XPR1: variants seen among roughly 807,000 people sequenced by gnomAD.
The protein encoded by XPR1 is xenotropic and polytropic retrovirus receptor 1.
XPR1 carries 28 observed loss-of-function variants against 87.5 expected under a neutral mutation model. The ratio of observed to expected loss-of-function variants is 0.32; its 90% CI spans 0.24 to 0.44. XPR1 has a LOEUF of 0.44. XPR1 is among the 20% of genes least tolerant of loss of function. XPR1 has a pLI of 1.00. For missense variants in XPR1, 559 were observed against 862.3 expected (o/e 0.65, Z 4.41); for synonymous variants, 300 against 306.1 (o/e 0.98, Z 0.21).
intron 2 of XPR1, among the ~76,000 whole-genome samples, chr1:180,707,584 A>G (rs1049323661): frequency 2.0e-5 from 3 of 152,144 alleles, no homozygotes; most frequent in East Asian, 1.9e-4. Context: ...GGCAGACCCA[A>G]TTCTCCCCTG....
At chr1:180,649,434 AAAAAAC>A (rs978794234) in intron 1 of XPR1, among the ~76,000 whole-genome samples, 26 of 152,302 alleles carry the variant, frequency 1.7e-4, no homozygotes, top group South Asian at 8.3e-4. Context: ...CTGTCTCAAA[AAAAAAC>A]AAAAACAAAA....
chr1:180,690,848 C>T (rs1656965331), intron 2 of XPR1, among the ~76,000 whole-genome samples: 2 of 151,166 alleles, frequency 1.3e-5, no homozygotes, highest in East Asian at 3.9e-4. Flanking sequence ...AATCCTTTTC[C>T]TCAATTCCTT....
chr1:180,876,553 T>G (rs1019031142), intron 13 of XPR1, among the ~76,000 whole-genome samples: 1 of 151,906 alleles, frequency 6.6e-6, no homozygotes, highest in African/African-American at 2.4e-5. Flanking sequence ...GGAGAATTGC[T>G]TGAACCCAGG....
intron 2 of XPR1, among the ~76,000 whole-genome samples, chr1:180,710,812 G>A (rs1309693212): frequency 7.3e-5 from 11 of 151,114 alleles, no homozygotes; most frequent in African/African-American, 2.4e-4. Context: ...CGGATGGGGC[G>A]GCTGGCTGGG....
At chr1:180,652,825 A>T (rs1319023050) in intron 1 of XPR1, among the ~76,000 whole-genome samples, 1 of 152,130 alleles carries the variant, frequency 6.6e-6, no homozygotes, top group Non-Finnish European at 1.5e-5. Context: ...ACAATAATAA[A>T]CATTTATTGT....
chr1:180,675,620 A>G (rs1045997296), intron 1 of XPR1, among the ~76,000 whole-genome samples: 1 of 152,182 alleles, frequency 6.6e-6, no homozygotes, highest in Non-Finnish European at 1.5e-5. Flanking sequence ...AAATCAAAGA[A>G]CTCACGTAAT....
chr1:180,787,143 A>G (rs1046204371), intron 2 of XPR1, among the ~76,000 whole-genome samples: 3 of 152,042 alleles, frequency 2.0e-5, no homozygotes, highest in East Asian at 1.9e-4. Flanking sequence ...TACTTGATCA[A>G]TTCTGTCTAC....
At chr1:180,772,449 C>T (rs1395633216) in intron 2 of XPR1, among the ~76,000 whole-genome samples, 2 of 152,108 alleles carry the variant, frequency 1.3e-5, no homozygotes, top group African/African-American at 2.4e-5. Flanking sequence ...TAGACTCTAC[C>T]AGCAGAGGAG....
At chr1:180,703,588 C>T (rs1337937673) in intron 2 of XPR1, among the ~76,000 whole-genome samples, 1 of 152,150 alleles carries the variant, frequency 6.6e-6, no homozygotes, top group East Asian at 1.9e-4. Context: ...CAGCTACTGG[C>T]AGCAGTGGTG....
At chr1:180,841,791 T>C (rs920032054) in intron 11 of XPR1, among the ~76,000 whole-genome samples, 10 of 151,930 alleles carry the variant, frequency 6.6e-5, no homozygotes, top group African/African-American at 2.2e-4. Context: ...ATCATATTGG[T>C]AAATAAAAAA....
chr1:180,740,638 C>A (rs930667552), intron 2 of XPR1, among the ~76,000 whole-genome samples: 2 of 152,040 alleles, frequency 1.3e-5, no homozygotes, highest in African/African-American at 4.8e-5. Context: ...CTGTCTTAGT[C>A]TGATTTTGGT....
At chr1:180,830,225 T>C (rs1312835568) in intron 9 of XPR1, among the ~76,000 whole-genome samples, 1 of 152,180 alleles carries the variant, frequency 6.6e-6, no homozygotes, top group Non-Finnish European at 1.5e-5. Flanking sequence ...GTCCCCCTCT[T>C]CCTCACAAAA....
chr1:180,792,134 T>C (rs901678602), intron 3 of XPR1, among the ~76,000 whole-genome samples: 2 of 152,200 alleles, frequency 1.3e-5, no homozygotes, highest in South Asian at 2.1e-4. Flanking sequence ...CCCAGAAGAT[T>C]GTAGACTGCA....
intron 1 of XPR1, among the ~76,000 whole-genome samples, chr1:180,663,391 T>TA (rs1655842897): frequency 6.6e-6 from 1 of 152,246 alleles, no homozygotes; most frequent in South Asian, 2.1e-4. Flanking sequence ...TGCAGACTCA[T>TA]AGAGGTGTAC....
At chr1:180,733,658 G>A (rs1190298521) in intron 2 of XPR1, among the ~76,000 whole-genome samples, 2 of 152,198 alleles carry the variant, frequency 1.3e-5, no homozygotes, top group African/African-American at 4.8e-5. Context: ...AACCTATTTT[G>A]AGGTAGAGGT....
At chr1:180,662,816 T>G (rs542829453) in intron 1 of XPR1, among the ~76,000 whole-genome samples, 98 of 152,326 alleles carry the variant, frequency 6.4e-4, no homozygotes, top group African/African-American at 2.3e-3. Flanking sequence ...TTACTTTTTT[T>G]ATTCCTTTTT....
intron 1 of XPR1, 121 bp downstream of exon 1, chr1:180,632,391 C>T (rs1654616432): frequency 1.5e-6 from 2 of 1,310,818 alleles, no homozygotes; most frequent in African/African-American, 2.9e-5. Flanking sequence ...TGACCCGCTG[C>T]CGCGGGGAGC....
intron 2 of XPR1, among the ~76,000 whole-genome samples, chr1:180,767,724 C>T (rs930456093): frequency 6.6e-6 from 1 of 152,038 alleles, no homozygotes; most frequent in African/African-American, 2.4e-5. Context: ...TGATTCTGTA[C>T]AGTACGTACA....
At position 180,632,121 on chromosome 1, in the gene XPR1, T is replaced by C. The variant is rs1331690420; in HGVS notation, c.-81T>C. On this transcript the variant is annotated 5_prime_UTR_variant, in exon 1 of 15. An upstream start codon of the reference 5' UTR is lost. Coordinates refer to ENST00000367590, the MANE Select transcript of XPR1 (RefSeq NM_004736.4). Reference sequence around the variant, plus strand: ...CAGCGCCGCGCCGCGCCGGGGCCCATGTGGGGAGGAGTCGGAGTCGCTGTT... The same window carrying C: ...CAGCGCCGCGCCGCGCCGGGGCCCACGTGGGGAGGAGTCGGAGTCGCTGTT... 2 of 1,448,300 alleles carry C rather than the reference T, an allele frequency of 1.4e-6. No homozygotes were observed. Among genetic ancestry groups the C allele is most frequent in the Non-Finnish European group, 1.9e-6 (2 of 1,052,810 alleles). 89.7% of individuals were successfully genotyped at this position (1,448,300 alleles called of 1,614,324 possible).
Sources: gnomAD v4.1 joint callset for allele counts (sites outside exome capture counted in the v4.1 genomes callset) on GRCh38, gnomAD v4.1.1 for gene constraint, MANE v1.5 for transcripts, NCBI Gene and HGNC (gene_info 2026-07-23, HGNC 2026-07-21) for gene names.